The following TEK variants were observed in gnomAD, a reference collection of about 807,000 sequenced individuals.
TEK encodes TEK receptor tyrosine kinase.
TEK carries 43 observed loss-of-function variants against 131.8 expected under a neutral mutation model. The observed-to-expected ratio is 0.33, with a 90% confidence interval of 0.26 to 0.42. The LOEUF is 0.42. Ranked by LOEUF, TEK falls within the 10% of genes least tolerant of loss-of-function variation. TEK has a pLI of 1.00. For synonymous variants in TEK, 580 were observed against 491.6 expected (o/e 1.18, Z -2.38); for missense variants, 1,162 against 1,384.4 (o/e 0.84, Z 2.55).
At chr9:27,128,319 C>G (rs1822070597) in intron 1 of TEK, among the ~76,000 whole-genome samples, 1 of 152,168 alleles carries the variant, frequency 6.6e-6, no homozygotes, top group South Asian at 2.1e-4. Flanking sequence ...GGCCTCTTTT[C>G]TGTTCCATTG....
chr9:27,137,720 G>C (rs909412295), intron 1 of TEK, among the ~76,000 whole-genome samples: 1 of 152,162 alleles, frequency 6.6e-6, no homozygotes, highest in South Asian at 2.1e-4. Flanking sequence ...GTTACAAAGA[G>C]ATCCCAGAGG....
At chr9:27,170,543 C>T (rs1823916731) in intron 4 of TEK, among the ~76,000 whole-genome samples, 1 of 152,104 alleles carries the variant, frequency 6.6e-6, no homozygotes, top group South Asian at 2.1e-4. Context: ...GAGGATAGTT[C>T]AAGCTCGGGA....
intron 2 of TEK, among the ~76,000 whole-genome samples, chr9:27,160,160 C>A (rs1823497087): frequency 6.6e-6 from 1 of 151,704 alleles, no homozygotes; most frequent in Non-Finnish European, 1.5e-5. Context: ...GTAGCTGGGA[C>A]TACAGGCATG....
In TEK at chr9:27,169,614, A is replaced by G. The variant is rs776194252; in HGVS notation, c.613A>G (p.Arg205Gly). 1 of 1,614,118 alleles carries G rather than the reference A, an allele frequency of 6.2e-7. No individual in the cohort carries two copies. The highest frequency in any genetic ancestry group is 1.1e-5 in the South Asian group (1 of 91,078). The change falls in exon 4 of 23, where the codon AGG (arginine) becomes GGG (glycine). Residue 205 changes from arginine to glycine, a missense_variant. By Grantham distance (125) the Arg-to-Gly change is moderately radical. Around this residue, in one of 6 missense-constraint regions of TEK, gnomAD observed 436 missense variants for 539.1 expected, o/e 0.81. Transcript: ENST00000380036. ...AAACCTCTTCACCTCGGCCTTCACC[A>G]GGCTGATAGTCCGGAGTAAGTGATG... ...GGNLFTSAFT[R>G]LIVRRCEAQK...
intron 1 of TEK, among the ~76,000 whole-genome samples, chr9:27,141,797 T>G (rs1377881125): frequency 6.6e-6 from 1 of 152,240 alleles, no homozygotes; most frequent in Non-Finnish European, 1.5e-5. Context: ...TGCTGTTAAT[T>G]AAATGTGACC....
intron 1 of TEK, among the ~76,000 whole-genome samples, chr9:27,144,125 T>A (rs1822828573): frequency 6.6e-6 from 1 of 151,924 alleles, no homozygotes; most frequent in Admixed American, 6.6e-5. Context: ...CTACTAAAAA[T>A]ACAAAAATTA....
At chr9:27,219,750 T>TTCAA (rs748888881) in intron 20 of TEK, among the ~76,000 whole-genome samples, 1 of 137,660 alleles carries the variant, frequency 7.3e-6, no homozygotes. Flanking sequence ...ATCTTATTGG[T>TTCAA]ATAATAAAGG....
chr9:27,197,800 G>T (rs1021588683), intron 12 of TEK, among the ~76,000 whole-genome samples: 1 of 152,172 alleles, frequency 6.6e-6, no homozygotes, highest in African/African-American at 2.4e-5. Context: ...ATTCAGGCAG[G>T]TCTGTGCTAA....
At chr9:27,178,476 G>A (rs370428017) in intron 6 of TEK, among the ~76,000 whole-genome samples, 385 of 152,090 alleles carry the variant, frequency 2.5e-3, no homozygotes, top group Middle Eastern at 3.4e-3. Context: ...TTTTAGTATC[G>A]TTTTTTCTAT....
chr9:27,193,593 G>T (rs1230207946), intron 11 of TEK, among the ~76,000 whole-genome samples: 1 of 152,046 alleles, frequency 6.6e-6, no homozygotes, highest in Non-Finnish European at 1.5e-5. Flanking sequence ...CTTTTGTAAG[G>T]TTCCATTCCT....
chr9:27,149,003 C>G (rs544031571), intron 1 of TEK, among the ~76,000 whole-genome samples: 1 of 152,162 alleles, frequency 6.6e-6, no homozygotes, highest in African/African-American at 2.4e-5. Context: ...AAGGCAGAAA[C>G]CATATTTTAT....
At chr9:27,189,799 A>G (rs1824741183) in intron 9 of TEK, among the ~76,000 whole-genome samples, 2 of 152,168 alleles carry the variant, frequency 1.3e-5, no homozygotes, top group Admixed American at 1.3e-4. Context: ...AGTGAGATGC[A>G]TGTCTGACTT....
chr9:27,196,454 G>A (rs748358859), intron 11 of TEK, among the ~76,000 whole-genome samples: 1 of 152,174 alleles, frequency 6.6e-6, no homozygotes, highest in Non-Finnish European at 1.5e-5. Context: ...TATTCTAGAA[G>A]CCAAGGTTAC....
intron 6 of TEK, among the ~76,000 whole-genome samples, chr9:27,174,705 C>G (rs956770941): frequency 6.6e-6 from 1 of 152,136 alleles, no homozygotes; most frequent in Non-Finnish European, 1.5e-5. Context: ...TCAGTTCCCT[C>G]TAAATGCTAT....
chr9:27,207,506 A>G (rs570196382), intron 15 of TEK, among the ~76,000 whole-genome samples: 2 of 152,332 alleles, frequency 1.3e-5, no homozygotes, highest in Non-Finnish European at 2.9e-5. Flanking sequence ...TTTGGTACCT[A>G]CCCATCTAAT....
Position 27,213,524 on chromosome 9 carries a change from G to T in TEK, c.2918G>T (p.Gly973Val). 6.2e-7 allele frequency: 1 copy of T among 1,614,040 alleles called. No homozygotes were observed. The highest frequency in any genetic ancestry group is 2.2e-5 in the East Asian group (1 of 44,880). ...RDLAARNILV[G>V]ENYVAKIADF... ...CTGGCTGCCAGAAACATTTTAGTTG[G>T]TGAAAACTATGTGGCAAAAATAGCA... The change falls in exon 18 of 23, where the codon GGT becomes GTT. Residue 973 changes from glycine to valine, a missense_variant. By Grantham distance (109) the Gly-to-Val change is moderately radical (BLOSUM62 -3). This residue lies in a region of TEK where 107 missense variants were observed against 173.9 expected (regional missense o/e 0.62). Transcript: ENST00000380036.
At chr9:27,119,052 A>G (rs2131036723) in intron 1 of TEK, among the ~76,000 whole-genome samples, 1 of 152,320 alleles carries the variant, frequency 6.6e-6, no homozygotes, top group South Asian at 2.1e-4. Context: ...TGCCTCTTTC[A>G]GTTCTGTGAG....
chr9:27,212,166 A>T (rs1299758709), intron 16 of TEK, among the ~76,000 whole-genome samples: 4 of 152,154 alleles, frequency 2.6e-5, no homozygotes, highest in Admixed American at 6.5e-5. Flanking sequence ...AATCAGCAAT[A>T]TGGTGACTTA....
In TEK at chr9:27,192,420, A is replaced by T. The variant is rs1001996633; in HGVS notation, c.1490-69A>T. 6.3e-6 allele frequency: 10 copies of T among 1,597,990 alleles called. No individual in the cohort carries two copies. The African/African-American group carries it at 1.3e-4, about 21-fold the overall frequency. ...CCTAAAATTAGTTCACATCGCAATAACAACAACCCCGGCTTAAGGAATGTA... is the reference window on the plus strand; with the variant it reads ...CCTAAAATTAGTTCACATCGCAATATCAACAACCCCGGCTTAAGGAATGTA... On this transcript the variant is annotated intron_variant, in intron 10 of 22. Coordinates refer to ENST00000380036, the MANE Select transcript of TEK (RefSeq NM_000459.5).
Sources: allele counts gnomAD v4.1 joint callset (sites outside exome capture counted in the v4.1 genomes callset), GRCh38; gene constraint gnomAD v4.1.1; regional missense constraint gnomAD v4.1.1; transcripts MANE v1.5; gene names NCBI Gene and HGNC (gene_info 2026-07-23, HGNC 2026-07-21).